The following NRG1 variants were observed in gnomAD, a reference collection of about 807,000 sequenced individuals.
NRG1 encodes the protein neuregulin 1.
NRG1 carries 18 observed loss-of-function variants against 63.8 expected under a neutral mutation model. The observed-to-expected ratio is 0.28, with a 90% CI of 0.19 to 0.42. The LOEUF (loss-of-function observed/expected upper bound fraction) is 0.42. Ranked by LOEUF, NRG1 falls within the 10% of genes least tolerant of loss-of-function variation. The pLI is 1.00. For missense variants in NRG1, 762 were observed against 814.7 expected, an observed-to-expected ratio of 0.94 and a Z score of 0.79; for synonymous variants, 302 against 301.3, an observed-to-expected ratio of 1.00 and a Z score of -0.02.
At chr8:32,340,134 T>C (rs7016269) in intron 1 of NRG1, among the ~76,000 whole-genome samples, 80,269 of 152,054 alleles carry the variant, frequency 0.53, 21,918 homozygotes, top group Non-Finnish European at 0.61. Flanking sequence ...GTCAAGAGAT[T>C]AATTGGCATT....
intron 1 of NRG1, among the ~76,000 whole-genome samples, chr8:32,261,680 C>T (rs998151645): frequency 1.3e-5 from 2 of 152,042 alleles, no homozygotes; most frequent in African/African-American, 4.8e-5. Context: ...CCTCCACTCC[C>T]CCCTTGTATT....
At chr8:31,800,403 G>A (rs1355077492) in intron 1 of NRG1, among the ~76,000 whole-genome samples, 1 of 152,136 alleles carries the variant, frequency 6.6e-6, no homozygotes, top group East Asian at 1.9e-4. Flanking sequence ...ATCATTTTCA[G>A]CCACCGTAGT....
At chr8:32,172,129 G>A (rs2132017997) in intron 1 of NRG1, among the ~76,000 whole-genome samples, 1 of 152,226 alleles carries the variant, frequency 6.6e-6, no homozygotes, top group Non-Finnish European at 1.5e-5. Flanking sequence ...CCACAGCCAG[G>A]TACTCCTCTG....
intron 1 of NRG1, among the ~76,000 whole-genome samples, chr8:31,642,513 G>A (rs1803894478): frequency 6.6e-6 from 1 of 152,192 alleles, no homozygotes; most frequent in Non-Finnish European, 1.5e-5. Context: ...AGAATGTTTG[G>A]AAATGGAAAA....
chr8:32,457,265 T>A (rs1821716883), intron 1 of NRG1, among the ~76,000 whole-genome samples: 1 of 152,212 alleles, frequency 6.6e-6, no homozygotes, highest in South Asian at 2.1e-4. Flanking sequence ...ATATAGAACA[T>A]CTACTTTGTC....
chr8:31,816,528 C>G (rs749209399), intron 1 of NRG1, among the ~76,000 whole-genome samples: 1 of 152,142 alleles, frequency 6.6e-6, no homozygotes, highest in African/African-American at 2.4e-5. Flanking sequence ...GCCTCGTGAC[C>G]AAGATGTCCT....
At chr8:32,415,086 T>A (rs1032040447) in intron 1 of NRG1, among the ~76,000 whole-genome samples, 1 of 152,146 alleles carries the variant, frequency 6.6e-6, no homozygotes, top group East Asian at 1.9e-4. Context: ...TTTTCTGTAG[T>A]GTATTTCTGT....
chr8:32,490,161 T>C (rs1416127093), intron 1 of NRG1, among the ~76,000 whole-genome samples: 1 of 152,054 alleles, frequency 6.6e-6, no homozygotes, highest in Admixed American at 6.6e-5. Context: ...CAAAATTAGC[T>C]GGACACAGTG....
chr8:32,457,050 T>C (rs1748927557), intron 1 of NRG1, among the ~76,000 whole-genome samples: 1 of 152,148 alleles, frequency 6.6e-6, no homozygotes, highest in African/African-American at 2.4e-5. Flanking sequence ...GAGAATCACT[T>C]GAACCCTGGA....
chr8:32,205,114 G>A (rs1208549316), intron 1 of NRG1, among the ~76,000 whole-genome samples: 1 of 152,056 alleles, frequency 6.6e-6, no homozygotes, highest in Non-Finnish European at 1.5e-5. Context: ...TCATATAAAT[G>A]GCTTAGAGGC....
At chr8:31,856,788 T>A (rs1345529044) in intron 1 of NRG1, among the ~76,000 whole-genome samples, 1 of 152,196 alleles carries the variant, frequency 6.6e-6, no homozygotes, top group Non-Finnish European at 1.5e-5. Context: ...CAGATGGGTT[T>A]TTGGTGTGGA....
chr8:32,407,297 TA>T (rs1814178642), intron 1 of NRG1, among the ~76,000 whole-genome samples: 2 of 2,696 alleles, frequency 7.4e-4, no homozygotes, highest in African/African-American at 1.1e-3. Context: ...ATATATATTA[TA>T]TATATATATA....
chr8:32,119,126 C>T (rs1833113599), intron 1 of NRG1, among the ~76,000 whole-genome samples: 1 of 151,992 alleles, frequency 6.6e-6, no homozygotes, highest in African/African-American at 2.4e-5. Context: ...ATTTGCTCTC[C>T]TGAAACATAG....
intron 1 of NRG1, among the ~76,000 whole-genome samples, chr8:32,137,527 T>C (rs1319627135): frequency 1.3e-5 from 2 of 152,184 alleles, no homozygotes; most frequent in Non-Finnish European, 2.9e-5. Context: ...ATGTAGATGA[T>C]ATTTTCTCTC....
chr8:31,763,777 C>T (rs1586231354), intron 1 of NRG1, among the ~76,000 whole-genome samples: 2 of 152,074 alleles, frequency 1.3e-5, no homozygotes, highest in African/African-American at 2.4e-5. Flanking sequence ...GGTGAAACCC[C>T]GTCTCTACTA....
chr8:32,158,086 G>A (rs1215590650), intron 1 of NRG1, among the ~76,000 whole-genome samples: 1 of 152,096 alleles, frequency 6.6e-6, no homozygotes, highest in African/African-American at 2.4e-5. Flanking sequence ...TTGTAGGATG[G>A]AAGGAGAGAT....
At chr8:32,696,932 G>A (rs1813500949) in intron 5 of NRG1, among the ~76,000 whole-genome samples, 1 of 152,154 alleles carries the variant, frequency 6.6e-6, no homozygotes, top group Non-Finnish European at 1.5e-5. Context: ...AAAGTGCTGG[G>A]ATTACAGGCG....
chr8:32,573,125 TGTATATCCAGTTTG>T, intron 1 of NRG1, among the ~76,000 whole-genome samples: 1 of 152,350 alleles, frequency 6.6e-6, no homozygotes, highest in South Asian at 2.1e-4. Context: ...TATTCTACTC[TGTATATCCAGTTTG>T]TTCATAGACC....
chr8:32,635,325 A>G (rs1486824117), intron 5 of NRG1, among the ~76,000 whole-genome samples: 1 of 152,206 alleles, frequency 6.6e-6, no homozygotes, highest in Non-Finnish European at 1.5e-5. Context: ...GTCTTTGGAA[A>G]TGGTAGCTAT....
Sources: allele counts gnomAD v4.1 joint callset (sites outside exome capture counted in the v4.1 genomes callset), GRCh38; gene constraint gnomAD v4.1.1; transcripts MANE v1.5; gene names NCBI Gene and HGNC (gene_info 2026-07-23, HGNC 2026-07-21).